GRM7: variants seen among roughly 807,000 people sequenced by gnomAD.
GRM7 encodes the protein glutamate metabotropic receptor 7, also known as metabotropic glutamate receptor 7.
In GRM7, 35 loss-of-function variants were observed where a neutral mutation model predicts 84.5. That is an observed-to-expected ratio of 0.41 (90% confidence interval 0.32 to 0.55). GRM7 has a LOEUF of 0.55. GRM7 is among the 20% of genes least tolerant of loss of function. The pLI, the probability that GRM7 is intolerant of heterozygous loss-of-function variation, is 0.19. For synonymous variants in GRM7, 487 were observed against 455.1 expected, an observed-to-expected ratio of 1.07 and a Z score of -0.89; for missense variants, 1,003 against 1,194.6, an observed-to-expected ratio of 0.84 and a Z score of 2.36.
intron 1 of GRM7, among the ~76,000 whole-genome samples, chr3:7,118,883 C>T (rs1693128850): frequency 6.6e-6 from 1 of 152,138 alleles, no homozygotes; most frequent in Non-Finnish European, 1.5e-5. Flanking sequence ...TCCACATTTA[C>T]ACTGTGTCCT....
chr3:6,970,225 C>T (rs927439606), intron 1 of GRM7, among the ~76,000 whole-genome samples: 7 of 152,200 alleles, frequency 4.6e-5, no homozygotes, highest in South Asian at 2.1e-4. Context: ...CTTTCCCTTC[C>T]GATCTACAGG....
intron 4 of GRM7, among the ~76,000 whole-genome samples, chr3:7,408,946 A>G (rs909531365): frequency 2.0e-5 from 3 of 152,198 alleles, no homozygotes; most frequent in Admixed American, 6.5e-5. Flanking sequence ...TGTTTATTAG[A>G]CAATTATTAA....
chr3:7,612,297 T>TTCC (rs2125080694), intron 8 of GRM7, among the ~76,000 whole-genome samples: 1 of 152,286 alleles, frequency 6.6e-6, no homozygotes, highest in South Asian at 2.1e-4. Context: ...TAGTAACTAC[T>TTCC]TCCTGGAGTT....
chr3:6,892,600 A>G (rs1696006630), intron 1 of GRM7: 1 of 152,080 alleles, frequency 6.6e-6, no homozygotes, highest in South Asian at 2.1e-4. Flanking sequence ...AGCATCTGAG[A>G]GTGAGGAAAA....
chr3:7,259,449 G>A lies in GRM7; in HGVS notation c.737-39235G>A, dbSNP rs767130761. 2.0e-3 allele frequency among the ~76,000 whole-genome samples: 308 copies of A among 152,140 alleles called. 1 individual carries two copies. The highest frequency in any genetic ancestry group is 3.1e-3 in the Non-Finnish European group (212 of 67,996). ...TTTTCCTCCTCCCAACTTCAACCCA[G>A]TGGAGGTAGGTCCCAGTGTCTGTTG... On this transcript the variant is annotated intron_variant, in intron 2 of 9. Transcript: ENST00000357716.
At chr3:7,159,819 T>C (rs1463039202) in intron 2 of GRM7, among the ~76,000 whole-genome samples, 1 of 152,124 alleles carries the variant, frequency 6.6e-6, no homozygotes. Context: ...TCAAAATGAC[T>C]CAAAAGTTGA....
At chr3:7,728,619 C>T (rs1365823857) in intron 9 of GRM7, among the ~76,000 whole-genome samples, 1 of 152,176 alleles carries the variant, frequency 6.6e-6, no homozygotes, top group East Asian at 1.9e-4. Flanking sequence ...ATTATCTTGA[C>T]TTACCCCAGG....
At chr3:7,499,596 T>G (rs1699817743) in intron 7 of GRM7, among the ~76,000 whole-genome samples, 1 of 152,118 alleles carries the variant, frequency 6.6e-6, no homozygotes. Context: ...GGACTTATTT[T>G]CAGATGAGGA....
chr3:6,976,736 C>T (rs1483506052), intron 1 of GRM7, among the ~76,000 whole-genome samples: 1 of 152,072 alleles, frequency 6.6e-6, no homozygotes, highest in Non-Finnish European at 1.5e-5. Flanking sequence ...GTCTTCACAA[C>T]CCATGAGTTC....
intron 1 of GRM7, among the ~76,000 whole-genome samples, chr3:6,995,924 C>G (rs1694810436): frequency 6.6e-6 from 1 of 152,108 alleles, no homozygotes; most frequent in Admixed American, 6.5e-5. Flanking sequence ...GAAAGGTAAG[C>G]TTCTGTACAC....
chr3:7,104,545 G>A (rs1049419632), intron 1 of GRM7, among the ~76,000 whole-genome samples: 3 of 151,604 alleles, frequency 2.0e-5, no homozygotes, highest in Non-Finnish European at 3.0e-5. Context: ...CTCAAATCTT[G>A]GTGACTTCAC....
intron 2 of GRM7, among the ~76,000 whole-genome samples, chr3:7,194,155 T>A (rs574426369): frequency 6.6e-5 from 10 of 152,226 alleles, no homozygotes; most frequent in Non-Finnish European, 1.5e-4. Flanking sequence ...AAATCACCTT[T>A]CCTCCTCCAG....
chr3:7,226,872 A>G (rs943621009), intron 2 of GRM7, among the ~76,000 whole-genome samples: 41 of 152,158 alleles, frequency 2.7e-4, no homozygotes, highest in African/African-American at 9.7e-4. Flanking sequence ...TTATTTCGTT[A>G]CAAACATTGT....
rs541859814 is a variant in GRM7, at chr3:7,455,633, A to G, written c.1375+2826A>G. Among the ~76,000 whole-genome samples, 6 of 152,330 alleles carry G rather than the reference A, an allele frequency of 3.9e-5. No homozygotes were observed. The South Asian group carries it at 1.2e-3, about 32-fold the overall frequency. ...AAGATGTTCTATAAAATCACTGGCA[A>G]GTACTTTTCAAAAGTGTCCAGGTCA... On this transcript the variant is annotated intron_variant, in intron 6 of 9. Transcript: ENST00000357716.
chr3:7,385,075 G>T (rs1411134573), intron 4 of GRM7, among the ~76,000 whole-genome samples: 1 of 152,050 alleles, frequency 6.6e-6, no homozygotes, highest in Non-Finnish European at 1.5e-5. Flanking sequence ...GCTAAAGAAA[G>T]AAATTAAAGC....
intron 1 of GRM7, among the ~76,000 whole-genome samples, chr3:6,883,453 C>T (rs987360829): frequency 2.0e-5 from 3 of 151,980 alleles, no homozygotes; most frequent in African/African-American, 7.3e-5. Flanking sequence ...AATTTATTTC[C>T]TTTGCCAGTA....
intron 1 of GRM7, among the ~76,000 whole-genome samples, chr3:6,979,989 C>T (rs1036405798): frequency 6.6e-6 from 1 of 152,072 alleles, no homozygotes; most frequent in Non-Finnish European, 1.5e-5. Flanking sequence ...ATTGCTAATT[C>T]TTGTTGAAAA....
chr3:7,084,121 G>A (rs531187115), intron 1 of GRM7, among the ~76,000 whole-genome samples: 3 of 152,246 alleles, frequency 2.0e-5, no homozygotes, highest in African/African-American at 4.8e-5. Context: ...GTTTAACTTC[G>A]ATTTAAAGCA....
intron 1 of GRM7, among the ~76,000 whole-genome samples, chr3:6,869,910 G>GT (rs1372127717): frequency 6.6e-6 from 1 of 151,962 alleles, no homozygotes; most frequent in African/African-American, 2.4e-5. Flanking sequence ...CCTTATCTTT[G>GT]TTTTTTCCTA....
Sources: gnomAD v4.1 joint callset for allele counts (sites outside exome capture counted in the v4.1 genomes callset) on GRCh38, gnomAD v4.1.1 for gene constraint, MANE v1.5 for transcripts, NCBI Gene and HGNC (gene_info 2026-07-23, HGNC 2026-07-21) for gene names.